Variants in C1orf105 observed in about 807,000 individuals in gnomAD.
The protein encoded by C1orf105 is chromosome 1 open reading frame 105, also known as uncharacterized protein C1orf105.
C1orf105 carries 17 observed loss-of-function variants against 20.8 expected under a neutral mutation model. The ratio of observed to expected loss-of-function variants is 0.82; its 90% CI spans 0.56 to 1.23. The LOEUF (loss-of-function observed/expected upper bound fraction) is 1.23, where lower values mean the gene tolerates loss of function less well. Ranked by LOEUF, C1orf105 falls within the 50% of genes most tolerant of loss-of-function variation. The pLI is 0.00. For missense variants in C1orf105, 219 were observed against 213.5 expected (o/e 1.03, Z -0.16); for synonymous variants, 72 against 72.1 (o/e 1.00, Z 0.01).
chr1:172,462,531 T>C (rs757413603), intron 5 of C1orf105, among the ~76,000 whole-genome samples: 8 of 152,230 alleles, frequency 5.3e-5, no homozygotes, highest in Non-Finnish European at 1.0e-4. Flanking sequence ...ATAATTCAGA[T>C]GGAACTAAAT....
intron 3 of C1orf105, chr1:172,453,104 G>T: frequency 6.4e-7 from 1 of 1,550,912 alleles, no homozygotes; most frequent in South Asian, 1.2e-5. Context: ...TGCCTTCCAC[G>T]ACTCTTCAAT....
chr1:172,460,314 G>A (rs1649599043), intron 4 of C1orf105, among the ~76,000 whole-genome samples: 2 of 152,124 alleles, frequency 1.3e-5, no homozygotes, highest in Admixed American at 1.3e-4. Context: ...ATGTAACCTT[G>A]GGCTAGAAGC....
chr1:172,450,338 T>C (rs1016448321), intron 3 of C1orf105, among the ~76,000 whole-genome samples: 5 of 152,204 alleles, frequency 3.3e-5, no homozygotes, highest in Non-Finnish European at 7.3e-5. Context: ...CCTTGCTCTG[T>C]TGGGGCACCA....
At chr1:172,456,522 G>A (rs1465670636) in intron 4 of C1orf105, 33 bp downstream of exon 4, 1 of 1,592,310 alleles carries the variant, frequency 6.3e-7, no homozygotes, top group Admixed American at 1.7e-5. Context: ...ATGGGCACAG[G>A]CATCTCAGGG....
chr1:172,430,425 TG>T, intron 1 of C1orf105: 2 of 614,734 alleles, frequency 3.3e-6, no homozygotes, highest in Non-Finnish European at 5.8e-6. Flanking sequence ...ATTTTTAATT[TG>T]CAATTTTTCT....
At chr1:172,435,723 A>G (rs1191071847) in intron 1 of C1orf105, among the ~76,000 whole-genome samples, 1 of 152,214 alleles carries the variant, frequency 6.6e-6, no homozygotes, top group Non-Finnish European at 1.5e-5. Flanking sequence ...CCTATTCAAC[A>G]TAGTGTTGGA....
chr1:172,429,355 T>C (rs1383346837), intron 1 of C1orf105, among the ~76,000 whole-genome samples: 3 of 152,210 alleles, frequency 2.0e-5, no homozygotes, highest in Non-Finnish European at 2.9e-5. Flanking sequence ...AACCCCAGTA[T>C]GCTATTTACC....
At chr1:172,458,234 G>C (rs1023275587) in intron 4 of C1orf105, among the ~76,000 whole-genome samples, 5 of 152,090 alleles carry the variant, frequency 3.3e-5, no homozygotes, top group African/African-American at 1.2e-4. Flanking sequence ...AGAAAGATAA[G>C]AAAAAGAAAT....
chr1:172,430,355 T>C (rs772996778), intron 1 of C1orf105: 26 of 699,412 alleles, frequency 3.7e-5, no homozygotes, highest in South Asian at 1.2e-4. Context: ...ATCATCCTTC[T>C]GATGGCAGCA....
chr1:172,443,052 G>C (rs1379772035), intron 1 of C1orf105: 7 of 172,986 alleles, frequency 4.0e-5, no homozygotes, highest in Admixed American at 3.0e-4. Flanking sequence ...TATGTGCTAA[G>C]TGCCTTATGT....
intron 4 of C1orf105, among the ~76,000 whole-genome samples, chr1:172,459,344 AT>A (rs1418724892): frequency 6.6e-6 from 1 of 152,204 alleles, no homozygotes; most frequent in East Asian, 1.9e-4. Context: ...AAACTCAACA[AT>A]AAAAAGGCAA....
intron 2 of C1orf105, 93 bp from the exon 3 acceptor site, chr1:172,448,339 AGCTCCCTGT>A (rs750836859): frequency 7.4e-4 from 557 of 749,702 alleles, no homozygotes; most frequent in Non-Finnish European, 1.1e-3. Context: ...AGTGGAAGAT[AGCTCCCTGT>A]GGTGTCCCTT....
At chr1:172,435,832 T>C (rs1453761218) in intron 1 of C1orf105, among the ~76,000 whole-genome samples, 2 of 152,214 alleles carry the variant, frequency 1.3e-5, no homozygotes, top group African/African-American at 2.4e-5. Flanking sequence ...GACATGATTG[T>C]ATATTTAGAA....
chr1:172,434,078 A>T (rs2071959037), intron 1 of C1orf105, among the ~76,000 whole-genome samples: 3 of 152,248 alleles, frequency 2.0e-5, no homozygotes, highest in Non-Finnish European at 4.4e-5. Flanking sequence ...TATGCACCCA[A>T]TAAAGGAGCA....
chr1:172,456,591 C>A, intron 4 of C1orf105, 102 bp downstream of exon 4: 2 of 1,103,340 alleles, frequency 1.8e-6, no homozygotes, highest in South Asian at 1.3e-5. Flanking sequence ...GGGCCCGTTG[C>A]AAGGAGGGCC....
At chr1:172,440,855 C>T (rs1573850985) in intron 1 of C1orf105, among the ~76,000 whole-genome samples, 1 of 152,208 alleles carries the variant, frequency 6.6e-6, no homozygotes, top group African/African-American at 2.4e-5. Flanking sequence ...TTCTAAAGGT[C>T]TGAAGCTAGG....
chr1:172,452,114 G>A lies in C1orf105; in HGVS notation c.198+3583G>A, dbSNP rs545347385. On this transcript the variant is annotated intron_variant, in intron 3 of 6. Transcript: ENST00000367727. ...TCTCGAACTCCTGACCTCATGATCCGCCTGCCTTGGCCTCCTAAAGTGCTG... is the reference window on the plus strand; with the variant it reads ...TCTCGAACTCCTGACCTCATGATCCACCTGCCTTGGCCTCCTAAAGTGCTG... Among the ~76,000 whole-genome samples, 44 of 152,022 alleles carry A rather than the reference G, an allele frequency of 2.9e-4. 1 individual carries two copies. Among genetic ancestry groups the A allele is most frequent in the African/African-American group, 9.4e-4 (39 of 41,484 alleles).
intron 1 of C1orf105, among the ~76,000 whole-genome samples, chr1:172,429,783 G>T (rs1236767654): frequency 6.6e-6 from 1 of 152,190 alleles, no homozygotes; most frequent in Non-Finnish European, 1.5e-5. Context: ...AAGCCTTCTA[G>T]TTACATGCCA....
chr1:172,468,325 G>T (rs893737705), intron 6 of C1orf105, 124 bp from the exon 7 acceptor site: 3 of 720,498 alleles, frequency 4.2e-6, no homozygotes, highest in Non-Finnish European at 6.2e-6. Context: ...AAATTATTAG[G>T]TGAATTTTAA....
Sources: allele counts gnomAD v4.1 joint callset (sites outside exome capture counted in the v4.1 genomes callset), GRCh38; gene constraint gnomAD v4.1.1; transcripts MANE v1.5; gene names NCBI Gene and HGNC (gene_info 2026-07-23, HGNC 2026-07-21).